The following ZNF516 variants were observed in gnomAD, a reference collection of about 807,000 sequenced individuals.
The protein encoded by ZNF516 is zinc finger protein 516.
Under a neutral mutation model 79.7 loss-of-function variants are expected in ZNF516, and 19 were observed. The ratio of observed to expected loss-of-function variants is 0.24; its 90% CI spans 0.17 to 0.35. ZNF516 has a LOEUF of 0.35. ZNF516 is among the 10% of genes least tolerant of loss of function. The probability of loss-of-function intolerance (pLI) is 1.00; values close to 1 mark genes in which losing one functional copy is unlikely to be tolerated. For missense variants in ZNF516, 1,678 were observed against 1,679.5 expected, an observed-to-expected ratio of 1.00 and a Z score of 0.02; for synonymous variants, 877 against 739.5, an observed-to-expected ratio of 1.19 and a Z score of -3.02.
At chr18:76,448,291 C>G (rs1912184681) in intron 2 of ZNF516, among the ~76,000 whole-genome samples, 1 of 152,116 alleles carries the variant, frequency 6.6e-6, no homozygotes, top group African/African-American at 2.4e-5. Context: ...AATTAAATGA[C>G]TTTCTCCAGA....
chr18:76,482,484 T>A (rs981091887), intron 1 of ZNF516, among the ~76,000 whole-genome samples: 10 of 152,170 alleles, frequency 6.6e-5, no homozygotes, highest in African/African-American at 2.4e-4. Flanking sequence ...AGGGTGGACG[T>A]CGGTACTTCA....
chr18:76,480,856 C>T (rs1255997669), intron 1 of ZNF516, among the ~76,000 whole-genome samples: 1 of 152,128 alleles, frequency 6.6e-6, no homozygotes, highest in Admixed American at 6.5e-5. Context: ...GGATTAAAAA[C>T]AAAATCAAAA....
Position 76,403,357 on chromosome 18 carries a change from C to T in ZNF516, c.1811-23054G>A, listed in dbSNP as rs764805407. Among the ~76,000 whole-genome samples the T allele has an allele frequency of 6.6e-5, 10 of 152,292 alleles. No individual in the cohort carries two copies. In the East Asian group the frequency reaches 7.7e-4, roughly 12 times the overall value. The stretch of plus-strand genomic sequence containing the variant: ...AGGCACGCTGCAACGCACACCAACA[C>T]AGGTACACATACAAAGCACAAGCAT... On this transcript the variant is annotated intron_variant, in intron 3 of 6. Coordinates refer to ENST00000443185, the MANE Select transcript of ZNF516 (RefSeq NM_014643.4).
chr18:76,403,440 GCA>G (rs2075258574), intron 3 of ZNF516, among the ~76,000 whole-genome samples: 1 of 152,168 alleles, frequency 6.6e-6, no homozygotes, highest in African/African-American at 2.4e-5. Context: ...CACCTGGGGG[GCA>G]CACACGGCAC....
intron 3 of ZNF516, among the ~76,000 whole-genome samples, chr18:76,419,164 G>A (rs546093914): frequency 6.6e-6 from 1 of 152,306 alleles, no homozygotes; most frequent in South Asian, 2.1e-4. Context: ...GAGACCCTGG[G>A]GGAATTCAGG....
Position 76,379,938 on chromosome 18 carries a change from G to C in ZNF516, c.2176C>G (p.Leu726Val), listed in dbSNP as rs1460503883. ...KEHSGGGKRA[L>V]APDLMPLDLS... The stretch of plus-strand genomic sequence containing the variant: ...TCTAGCGGCATGAGGTCTGGGGCCA[G>C]CGCCCGCTTCCCTCCCCCAGAGTGT... Residue 726 changes from leucine (L) to valine (V), a missense_variant, in exon 4 of 7, where the codon CTG (leucine) becomes GTG (valine). Coordinates refer to ENST00000443185, the MANE Select transcript of ZNF516 (RefSeq NM_014643.4). 9.9e-6 allele frequency: 16 copies of C among 1,613,896 alleles called. No individual in the cohort carries two copies. Among genetic ancestry groups the C allele is most frequent in the Non-Finnish European group, 1.2e-5 (14 of 1,179,918 alleles).
At chr18:76,474,159 G>A (rs1308278028) in intron 1 of ZNF516, among the ~76,000 whole-genome samples, 1 of 152,120 alleles carries the variant, frequency 6.6e-6, no homozygotes, top group African/African-American at 2.4e-5. Flanking sequence ...AAAATGATCT[G>A]GAAGAATTGG....
At chr18:76,399,232 A>G (rs899720189) in intron 3 of ZNF516, among the ~76,000 whole-genome samples, 5 of 152,078 alleles carry the variant, frequency 3.3e-5, no homozygotes, top group Non-Finnish European at 7.4e-5. Context: ...GCTTGCCTTA[A>G]AAGATCATCA....
chr18:76,386,879 A>G (rs1292005888), intron 3 of ZNF516: 1 of 152,230 alleles, frequency 6.6e-6, no homozygotes, highest in Non-Finnish European at 1.5e-5. Context: ...AACCATCATG[A>G]TGGTTCCCAC....
At chr18:76,424,445 G>A (rs1422894474) in intron 3 of ZNF516, among the ~76,000 whole-genome samples, 2 of 142,418 alleles carry the variant, frequency 1.4e-5, no homozygotes, top group African/African-American at 2.7e-5. Flanking sequence ...CAGGTGAAAA[G>A]GCTCCCTCGA....
In ZNF516 at chr18:76,362,273, TC is replaced by T. The variant is rs2074550526; in HGVS notation, c.*224del. ...TGCGTATATAGTATCTACATGTATT[TC>T]TAGAATATAGCATCTTCATTTATTT... On this transcript the variant is annotated 3_prime_UTR_variant, in exon 7 of 7. Coordinates refer to ENST00000443185, the MANE Select transcript of ZNF516 (RefSeq NM_014643.4). 1 of 522,660 alleles carries T rather than the reference TC, an allele frequency of 1.9e-6. No individual in the cohort carries two copies. The highest frequency in any genetic ancestry group is 3.5e-6 in the Non-Finnish European group (1 of 287,572). The allele number at this position is 522,660 out of a possible 1,614,324, so 32.4% of individuals were successfully genotyped here. A position where few individuals can be genotyped will look rare whatever the true frequency, so the allele number is the denominator to read the frequency against.
At chr18:76,415,636 A>G (rs1002872685) in intron 3 of ZNF516, among the ~76,000 whole-genome samples, 2 of 152,144 alleles carry the variant, frequency 1.3e-5, no homozygotes. Context: ...ACAGCCGTGG[A>G]AAGAGCCTGT....
chr18:76,386,744 CCTTT>C (rs1362856379), intron 3 of ZNF516: 1 of 152,160 alleles, frequency 6.6e-6, no homozygotes, highest in Non-Finnish European at 1.5e-5. Context: ...ACAATGATTT[CCTTT>C]CTAATGGATG....
At chr18:76,409,317 A>G (rs968625380) in intron 3 of ZNF516, among the ~76,000 whole-genome samples, 1 of 152,218 alleles carries the variant, frequency 6.6e-6, no homozygotes, top group African/African-American at 2.4e-5. Flanking sequence ...TTAATCACAA[A>G]ATATTCATTA....
chr18:76,431,572 C>T (rs1299583687), intron 3 of ZNF516, among the ~76,000 whole-genome samples: 5 of 152,184 alleles, frequency 3.3e-5, no homozygotes, highest in Admixed American at 6.5e-5. Flanking sequence ...GCCCGAGGGG[C>T]GGTGTCTGGG....
At position 76,358,676 on chromosome 18, in the gene ZNF516, A is replaced by G. The variant is rs689748; in HGVS notation, c.*3822T>C. ...TATGCTACTTAAGACATTTTGAAGCAGAAAGTAAAGCTATGTGAATGCCGT... is the reference window on the plus strand; with the variant it reads ...TATGCTACTTAAGACATTTTGAAGCGGAAAGTAAAGCTATGTGAATGCCGT... On this transcript the variant is annotated 3_prime_UTR_variant, in exon 7 of 7. Coordinates refer to ENST00000443185, the MANE Select transcript of ZNF516 (RefSeq NM_014643.4). The G allele has an allele frequency of 0.97, 147,991 of 152,344 alleles. 72,048 individuals are homozygous for G. The highest frequency in any genetic ancestry group is 1 in the East Asian group (5,188 of 5,188). The allele number at this position is 152,344 out of a possible 1,614,324, so 9.4% of individuals were successfully genotyped here.
At chr18:76,402,513 T>A (rs768776101) in intron 3 of ZNF516, among the ~76,000 whole-genome samples, 1 of 152,142 alleles carries the variant, frequency 6.6e-6, no homozygotes, top group Non-Finnish European at 1.5e-5. Context: ...ATGGACCAAG[T>A]GGCCCCTCAG....
At position 76,493,017 on chromosome 18, in the gene ZNF516, A is replaced by C; in HGVS notation, c.-272+2127T>G. The C allele has an allele frequency of 1.0e-6, 1 of 985,318 alleles. No homozygotes were observed. The highest frequency in any genetic ancestry group is 1.2e-6 in the Non-Finnish European group (1 of 829,978). The allele number at this position is 985,318 out of a possible 1,614,324, so 61.0% of individuals were successfully genotyped here. On this transcript the variant is annotated intron_variant, in intron 1 of 6. Transcript: ENST00000443185. The surrounding 1 kb of genome is among the most constrained non-coding windows in gnomAD (Gnocchi z 5.2). ...ACACACACCCCAAATTACCTCCGGG[A>C]TGGAGAAAGCCGCTGCGGATTGGCC...
At chr18:76,411,930 A>AGGTCATCT (rs1319426424) in intron 3 of ZNF516, among the ~76,000 whole-genome samples, 1 of 152,240 alleles carries the variant, frequency 6.6e-6, no homozygotes, top group Admixed American at 6.5e-5. Context: ...CAAAGCACAT[A>AGGTCATCT]GGTCATCTTA....
Sources: allele counts gnomAD v4.1 joint callset (sites outside exome capture counted in the v4.1 genomes callset), GRCh38; gene constraint gnomAD v4.1.1; non-coding constraint Gnocchi (gnomAD v3.1); transcripts MANE v1.5; gene names NCBI Gene and HGNC (gene_info 2026-07-23, HGNC 2026-07-21).